Variants in RASGRP3 observed in about 807,000 individuals in gnomAD.
RASGRP3 encodes RAS guanyl releasing protein 3, also known as ras guanyl-releasing protein 3.
A neutral mutation model predicts 82.7 loss-of-function variants in RASGRP3; 54 were observed. That is an observed-to-expected ratio of 0.65 (90% confidence interval 0.52 to 0.82). The LOEUF (loss-of-function observed/expected upper bound fraction) is 0.82. RASGRP3 is among the 40% of genes least tolerant of loss of function. The pLI, the probability that RASGRP3 is intolerant of heterozygous loss-of-function variation, is 0.00. For missense variants in RASGRP3, 861 were observed against 828.9 expected (o/e 1.04, Z -0.48); for synonymous variants, 309 against 300.5 (o/e 1.03, Z -0.29).
chr2:33,458,105 A>G (rs1031534480), intron 2 of RASGRP3: 2 of 152,182 alleles, frequency 1.3e-5, no homozygotes, highest in Non-Finnish European at 2.9e-5. Context: ...TTGTTCTGAA[A>G]GAAAGGATAC....
At chr2:33,526,088 C>T (rs1405141032) in intron 9 of RASGRP3, among the ~76,000 whole-genome samples, 1 of 152,160 alleles carries the variant, frequency 6.6e-6, no homozygotes, top group Non-Finnish European at 1.5e-5. Context: ...AATTAAAGAC[C>T]TTTTGAGCCA....
intron 9 of RASGRP3, among the ~76,000 whole-genome samples, 195 bp downstream of exon 9, chr2:33,524,743 G>C (rs1162265089): frequency 6.6e-6 from 1 of 152,150 alleles, no homozygotes; most frequent in Non-Finnish European, 1.5e-5. Context: ...GTTGGAGGTG[G>C]TGGTAAGTGT....
intron 10 of RASGRP3, among the ~76,000 whole-genome samples, chr2:33,529,234 C>A (rs971092377): frequency 6.6e-6 from 1 of 151,968 alleles, no homozygotes; most frequent in Admixed American, 6.6e-5. Flanking sequence ...GTGGCTCAAG[C>A]CTGTAATTCC....
At chr2:33,498,140 CT>C (rs2150973074) in intron 1 of RASGRP3, among the ~76,000 whole-genome samples, 1 of 152,232 alleles carries the variant, frequency 6.6e-6, no homozygotes, top group African/African-American at 2.4e-5. Context: ...GTAGAGGGCA[CT>C]TTTTGGTCCC....
chr2:33,492,460 T>C (rs1272179652), intron 1 of RASGRP3, among the ~76,000 whole-genome samples: 1 of 152,180 alleles, frequency 6.6e-6, no homozygotes, highest in Non-Finnish European at 1.5e-5. Context: ...CTGAATTTTG[T>C]ACCCCCCAGC....
chr2:33,506,906 A>G (rs1250420571), intron 1 of RASGRP3, among the ~76,000 whole-genome samples: 1 of 152,206 alleles, frequency 6.6e-6, no homozygotes, highest in African/African-American at 2.4e-5. Flanking sequence ...ATACTATCCC[A>G]GTAGGTTTGT....
intron 11 of RASGRP3, among the ~76,000 whole-genome samples, chr2:33,535,384 A>G (rs1304922955): frequency 1.3e-5 from 2 of 152,234 alleles, no homozygotes; most frequent in African/African-American, 4.8e-5. Context: ...TGAAGATAAA[A>G]TGCCTATGCT....
chr2:33,480,210 T>C (rs1040340824), intron 1 of RASGRP3, among the ~76,000 whole-genome samples: 1 of 151,906 alleles, frequency 6.6e-6, no homozygotes, highest in Non-Finnish European at 1.5e-5. Context: ...GCCCGGCTAA[T>C]TTTTTTGTAT....
chr2:33,480,287 C>G (rs2150935116), intron 1 of RASGRP3, among the ~76,000 whole-genome samples: 1 of 152,292 alleles, frequency 6.6e-6, no homozygotes, highest in Non-Finnish European at 1.5e-5. Context: ...TGGTGATCCA[C>G]CCGCCTCGGC....
At chr2:33,475,749 T>A (rs1043556840), upstream of RASGRP3, among the ~76,000 whole-genome samples, 5 of 152,142 alleles carry the variant, frequency 3.3e-5, no homozygotes, top group African/African-American at 1.2e-4. Flanking sequence ...GTGAGACATA[T>A]GAATTCAACA....
intron 8 of RASGRP3, 64 bp from the exon 9 acceptor site, chr2:33,524,368 G>C (rs765187749): frequency 8.0e-5 from 87 of 1,092,258 alleles, no homozygotes; most frequent in Non-Finnish European, 1.0e-4. Flanking sequence ...AAATTTACTT[G>C]TAATTCAGAA....
intron 17 of RASGRP3, 76 bp downstream of exon 17, chr2:33,559,106 C>T (rs746528086): frequency 5.9e-5 from 73 of 1,246,810 alleles, no homozygotes; most frequent in Non-Finnish European, 7.4e-5. Context: ...TACAGAGGGT[C>T]TGGGGGGCAG....
At position 33,564,372 on chromosome 2, in the gene RASGRP3, GA is replaced by G. The variant is rs2151134652; in HGVS notation, c.*1636del. 2 of 152,330 alleles carry G rather than the reference GA, an allele frequency of 1.3e-5. No individual in the cohort carries two copies. The highest frequency in any genetic ancestry group is 4.1e-4 in the South Asian group (2 of 4,830). 9.4% of individuals were successfully genotyped at this position (152,330 alleles called of 1,614,324 possible). ...GAGCTGTGATTAAGCTGGATAATAA[GA>G]GAACGTGCCATCTGTAAAGCACTCA... On this transcript the variant is annotated 3_prime_UTR_variant, in exon 18 of 18. Coordinates refer to ENST00000403687, the MANE Select transcript of RASGRP3 (RefSeq NM_001139488.2).
chr2:33,535,250 T>C (rs1213292335), intron 11 of RASGRP3, among the ~76,000 whole-genome samples: 3 of 152,212 alleles, frequency 2.0e-5, no homozygotes, highest in Non-Finnish European at 4.4e-5. Flanking sequence ...ATTGAAGAAA[T>C]TGCATTATTG....
chr2:33,451,684 A>G (rs752155142), intron 2 of RASGRP3, among the ~76,000 whole-genome samples: 4 of 151,966 alleles, frequency 2.6e-5, no homozygotes, highest in Non-Finnish European at 4.4e-5. Flanking sequence ...TTTGATTGTA[A>G]TGTGTCTTGG....
At chr2:33,556,928 C>CACAT (rs1553366467) in intron 15 of RASGRP3, among the ~76,000 whole-genome samples, 5 of 148,418 alleles carry the variant, frequency 3.4e-5, no homozygotes, top group African/African-American at 7.5e-5. Context: ...CACACACACA[C>CACAT]GCAATTTTAT....
At chr2:33,450,130 T>C (rs1340380564) in intron 2 of RASGRP3, among the ~76,000 whole-genome samples, 3 of 152,188 alleles carry the variant, frequency 2.0e-5, no homozygotes, top group Non-Finnish European at 4.4e-5. Flanking sequence ...AAACTAAAAT[T>C]GTATATATTT....
chr2:33,518,247 C>T lies in RASGRP3; in HGVS notation c.173+1603C>T, dbSNP rs564078185. ...CAGCCTATTGGTCCTGGACTACAAACCTGTACAGCATGTCGCTGTACTGAA... is the reference window on the plus strand; with the variant it reads ...CAGCCTATTGGTCCTGGACTACAAATCTGTACAGCATGTCGCTGTACTGAA... On this transcript the variant is annotated intron_variant, in intron 4 of 17. Transcript: ENST00000403687. 2.6e-5 allele frequency among the ~76,000 whole-genome samples: 4 copies of T among 152,290 alleles called. No homozygotes were observed. In the East Asian group the frequency reaches 5.8e-4, roughly 22 times the overall value.
intron 14 of RASGRP3, among the ~76,000 whole-genome samples, chr2:33,552,343 T>C (rs898950468): frequency 4.6e-5 from 7 of 152,188 alleles, no homozygotes; most frequent in African/African-American, 1.4e-4. Flanking sequence ...TTACCCACCA[T>C]GTTGTTGCAT....
Sources: allele counts gnomAD v4.1 joint callset (sites outside exome capture counted in the v4.1 genomes callset), GRCh38; gene constraint gnomAD v4.1.1; transcripts MANE v1.5; gene names NCBI Gene and HGNC (gene_info 2026-07-23, HGNC 2026-07-21).